Variants in INPP5B observed in about 807,000 individuals in gnomAD.
INPP5B encodes the protein inositol polyphosphate-5-phosphatase B.
INPP5B carries 90 observed loss-of-function variants against 118.5 expected under a neutral mutation model. That is an observed-to-expected ratio of 0.76 (90% CI 0.64 to 0.90). The LOEUF is 0.90. INPP5B is among the 40% of genes least tolerant of loss of function. The probability of loss-of-function intolerance (pLI) is 0.00; values close to 1 mark genes in which losing one functional copy is unlikely to be tolerated. For missense variants in INPP5B, 984 were observed against 1,125.6 expected (o/e 0.87, Z 1.80); for synonymous variants, 385 against 418.9 (o/e 0.92, Z 0.99).
At chr1:37,918,865 CCACTG>C (rs1038044115) in intron 7 of INPP5B, among the ~76,000 whole-genome samples, 2 of 152,166 alleles carry the variant, frequency 1.3e-5, no homozygotes, top group African/African-American at 4.8e-5. Context: ...TCCTAATCCC[CCACTG>C]CTTTAATAAT....
intron 7 of INPP5B, among the ~76,000 whole-genome samples, chr1:37,893,085 CTTTTTT>C (rs71053999): frequency 8.6e-5 from 7 of 81,422 alleles, no homozygotes; most frequent in Non-Finnish European, 1.3e-4. Flanking sequence ...TTTTCTTTTT[CTTTTTT>C]TTTTTTTTTT....
At chr1:37,908,170 T>C (rs938845117) in intron 7 of INPP5B, among the ~76,000 whole-genome samples, 1 of 152,184 alleles carries the variant, frequency 6.6e-6, no homozygotes, top group Non-Finnish European at 1.5e-5. Context: ...ACAAAGCCTG[T>C]TGGTGGTCTC....
intron 7 of INPP5B, among the ~76,000 whole-genome samples, chr1:37,913,039 C>T (rs1012644370): frequency 9.9e-5 from 15 of 151,702 alleles, no homozygotes; most frequent in African/African-American, 3.4e-4. Flanking sequence ...GGGCAGATCA[C>T]GAGGTCAGGA....
chr1:37,893,202 C>CAG (rs1173720261), intron 7 of INPP5B, among the ~76,000 whole-genome samples: 1 of 148,782 alleles, frequency 6.7e-6, no homozygotes, highest in African/African-American at 2.5e-5. Flanking sequence ...CCACCTCAGG[C>CAG]TCTCTGGTAG....
At chr1:37,881,635 C>T (rs1310897242) in intron 14 of INPP5B, among the ~76,000 whole-genome samples, 1 of 152,138 alleles carries the variant, frequency 6.6e-6, no homozygotes, top group East Asian at 1.9e-4. Context: ...AGATAACACA[C>T]AAAATGGGTA....
intron 18 of INPP5B, 138 bp from the exon 19 acceptor site, chr1:37,873,303 A>G (rs1358720585): frequency 2.2e-5 from 14 of 644,994 alleles, no homozygotes; most frequent in East Asian, 1.6e-4. Context: ...CAAGCATCCA[A>G]ATGTGCTTGG....
At chr1:37,931,628 C>A in intron 7 of INPP5B, 1 of 1,536,626 alleles carries the variant, frequency 6.5e-7, no homozygotes, top group Non-Finnish European at 8.7e-7. Flanking sequence ...CGCACCGCCG[C>A]CCCCGGCCCA....
At chr1:37,882,663 T>C (rs1300475137) in intron 14 of INPP5B, 144 bp downstream of exon 14, 12 of 624,394 alleles carry the variant, frequency 1.9e-5, no homozygotes, top group Non-Finnish European at 3.1e-5. Flanking sequence ...GCAGATGAAA[T>C]GAAGAAATGA....
chr1:37,935,068 G>T (rs1193561873), intron 6 of INPP5B, among the ~76,000 whole-genome samples: 1 of 150,288 alleles, frequency 6.7e-6, no homozygotes, highest in Non-Finnish European at 1.5e-5. Context: ...GGGCGTGCTG[G>T]CGGGCGCCTG....
At chr1:37,873,890 G>A (rs1022866701) in intron 18 of INPP5B, 103 bp downstream of exon 18, 1 of 859,834 alleles carries the variant, frequency 1.2e-6, no homozygotes, top group African/African-American at 1.7e-5. Flanking sequence ...CTCAAGCAGA[G>A]AATAAAACAC....
At chr1:37,925,814 G>C (rs954734005) in intron 7 of INPP5B, among the ~76,000 whole-genome samples, 1 of 152,040 alleles carries the variant, frequency 6.6e-6, no homozygotes, top group Admixed American at 6.6e-5. Context: ...CATAAAACTG[G>C]ATTAAATGGC....
intron 17 of INPP5B, among the ~76,000 whole-genome samples, chr1:37,874,585 C>T (rs1286056496): frequency 2.6e-5 from 4 of 152,180 alleles, no homozygotes; most frequent in Admixed American, 2.6e-4. Flanking sequence ...ATCACTTGAG[C>T]TCAGGAGTTC....
chr1:37,945,709 GAAC>G lies in INPP5B; in HGVS notation c.152+44_152+46del, dbSNP rs773256811. The G allele has an allele frequency of 1.0e-5, 15 of 1,442,386 alleles. No individual in the cohort carries two copies. In the African/African-American group the frequency reaches 2.1e-4, roughly 20 times the overall value. 89.3% of individuals were successfully genotyped at this position (1,442,386 alleles called of 1,614,324 possible). ...AAGTTCAGCTGGAGGGTGCAGTGAT[GAAC>G]AACCCCATGGCCCAGACAGGTGGGG... On this transcript the variant is annotated intron_variant, in intron 3 of 23. Coordinates refer to ENST00000373024, the MANE Select transcript of INPP5B (RefSeq NM_005540.3).
chr1:37,889,695 T>C lies in INPP5B; in HGVS notation c.659A>G (p.Asp220Gly). 1 of 1,612,642 alleles carries C rather than the reference T, an allele frequency of 6.2e-7. No individual in the cohort carries two copies. Among genetic ancestry groups the C allele is most frequent in the Non-Finnish European group, 8.5e-7 (1 of 1,179,544 alleles). ...TGTGATAGTGGAGGAGCGAACCATG[T>C]CAGTAATTTCGGACTTGGATTTATT... Reference protein sequence around the residue: ...RQNKSKSEITDMVRSSTITVS... With the variant: ...RQNKSKSEITGMVRSSTITVS... The change falls in exon 9 of 24, where the codon GAC (aspartate) becomes GGC (glycine). Residue 220 changes from aspartate (D) to glycine (G), a missense_variant. Coordinates refer to ENST00000373024, the MANE Select transcript of INPP5B (RefSeq NM_005540.3).
intron 11 of INPP5B, 34 bp from the exon 12 acceptor site, chr1:37,887,038 T>C (rs1643580939): frequency 6.4e-7 from 1 of 1,569,348 alleles, no homozygotes; most frequent in African/African-American, 1.4e-5. Context: ...AAATAGAAAT[T>C]GCAAACAGGA....
chr1:37,945,677 A>ATAGTTGAAGTT, intron 3 of INPP5B, 79 bp downstream of exon 3: 1 of 938,096 alleles, frequency 1.1e-6, no homozygotes, highest in Non-Finnish European at 1.7e-6. Context: ...CCCTGGAGGG[A>ATAGTTGAAGTT]CAGTTGAAGT....
intron 6 of INPP5B, among the ~76,000 whole-genome samples, chr1:37,934,921 C>G (rs1645627203): frequency 6.6e-6 from 1 of 151,626 alleles, no homozygotes; most frequent in Non-Finnish European, 1.5e-5. Flanking sequence ...GAGTCTTGGC[C>G]GGGCGCAGTG....
chr1:37,872,618 G>A (rs1460858018), intron 19 of INPP5B, among the ~76,000 whole-genome samples: 4 of 151,606 alleles, frequency 2.6e-5, no homozygotes, highest in African/African-American at 9.7e-5. Context: ...CAAGACATGT[G>A]AGAGAGGCCA....
rs1367504194 is a variant in INPP5B, at chr1:37,917,308, T to TTTTATATATATATATATATATA, written c.532+14604_532+14605insTATATATATATATATATATAAA. ...CGTCTCGGGGGAAAAAAAAAAATAA[T>TTTTATATATATATATATATATA]TATATATATATATATATATATATAT... On this transcript the variant is annotated intron_variant, in intron 7 of 23. Coordinates refer to ENST00000373024, the MANE Select transcript of INPP5B (RefSeq NM_005540.3). Among the ~76,000 whole-genome samples, 75 of 92,796 alleles carry TTTTATATATATATATATATATA rather than the reference T, an allele frequency of 8.1e-4. 1 individual carries two copies. The highest frequency in any genetic ancestry group is 1.7e-3 in the Admixed American group (12 of 7,236). The allele number at this position is 92,796 out of a possible 152,430, so 60.9% of individuals were successfully genotyped here.
Sources: gnomAD v4.1 joint callset for allele counts (sites outside exome capture counted in the v4.1 genomes callset) on GRCh38, gnomAD v4.1.1 for gene constraint, MANE v1.5 for transcripts, NCBI Gene and HGNC (gene_info 2026-07-23, HGNC 2026-07-21) for gene names.